Variants in THSD7A observed in about 807,000 individuals in gnomAD.
THSD7A encodes the protein thrombospondin type 1 domain containing 7A, also known as thrombospondin type-1 domain-containing protein 7A.
In THSD7A, 96 loss-of-function variants were observed where a neutral mutation model predicts 231.3. The observed-to-expected ratio is 0.41, with a 90% confidence interval of 0.35 to 0.49. The LOEUF is 0.49. Among genes scored for constraint, THSD7A ranks in the 20% least tolerant of loss-of-function variants. The probability of loss-of-function intolerance (pLI) is 0.05; values close to 1 mark genes in which losing one functional copy is unlikely to be tolerated. For missense variants in THSD7A, 2,290 were observed against 2,070.2 expected, an observed-to-expected ratio of 1.11 and a Z score of -2.06; for synonymous variants, 940 against 743.3, an observed-to-expected ratio of 1.26 and a Z score of -4.30.
intron 1 of THSD7A, among the ~76,000 whole-genome samples, chr7:11,710,742 C>T (rs554601890): frequency 7.3e-5 from 11 of 150,910 alleles, no homozygotes; most frequent in African/African-American, 2.7e-4. Context: ...GAATTTTTAA[C>T]ATTCTGTTTG....
intron 2 of THSD7A, among the ~76,000 whole-genome samples, chr7:11,633,296 C>T (rs1781720499): frequency 6.6e-6 from 1 of 152,174 alleles, no homozygotes; most frequent in Admixed American, 6.5e-5. Flanking sequence ...AGGGAAGCTT[C>T]CTGTGTCCTA....
At chr7:11,557,526 T>C (rs959625675) in intron 4 of THSD7A, among the ~76,000 whole-genome samples, 2 of 152,096 alleles carry the variant, frequency 1.3e-5, no homozygotes, top group Non-Finnish European at 2.9e-5. Context: ...TGACTTTGAT[T>C]GAAACCCAGA....
rs1476002037 is a variant in THSD7A at position 11,474,757 on chromosome 7, T to G, written c.2018-189A>C. 1.3e-5 allele frequency among the ~76,000 whole-genome samples: 2 copies of G among 152,162 alleles called. No individual in the cohort carries two copies. The highest frequency in any genetic ancestry group is 2.9e-5 in the Non-Finnish European group (2 of 68,020). ...ACCTACAGGGGTTAAAAATAGTTTCTGCTACACTCAAGGATCTCATAATGT... is the reference window on the plus strand; with the variant it reads ...ACCTACAGGGGTTAAAAATAGTTTCGGCTACACTCAAGGATCTCATAATGT... On this transcript the variant is annotated intron_variant, in intron 7 of 27. Coordinates refer to ENST00000423059, the MANE Select transcript of THSD7A (RefSeq NM_015204.3). This position sits in a 1 kb window ranked among gnomAD's most constrained non-coding sequence, Gnocchi z 4.1.
At chr7:11,815,963 T>C (rs1308216332) in intron 1 of THSD7A, among the ~76,000 whole-genome samples, 1 of 152,136 alleles carries the variant, frequency 6.6e-6, no homozygotes, top group African/African-American at 2.4e-5. Context: ...GTTCCTTCTC[T>C]GCCTGGAATT....
At chr7:11,499,734 G>C (rs533895421) in intron 6 of THSD7A, among the ~76,000 whole-genome samples, 1 of 152,250 alleles carries the variant, frequency 6.6e-6, no homozygotes, top group East Asian at 1.9e-4. Flanking sequence ...TTGAAGACTG[G>C]TTCTGTGAAA....
intron 13 of THSD7A, among the ~76,000 whole-genome samples, chr7:11,442,204 G>A (rs1488250163): frequency 6.6e-6 from 1 of 151,872 alleles, no homozygotes; most frequent in South Asian, 2.1e-4. Flanking sequence ...ATCTGATTTT[G>A]GCAATGCAGT....
chr7:11,755,037 A>G (rs1782628287), intron 1 of THSD7A, among the ~76,000 whole-genome samples: 2 of 152,088 alleles, frequency 1.3e-5, no homozygotes, highest in South Asian at 4.1e-4. Flanking sequence ...CACAAATTAT[A>G]TACATGATCA....
At chr7:11,626,623 A>G (rs568348715) in intron 2 of THSD7A, among the ~76,000 whole-genome samples, 2 of 152,254 alleles carry the variant, frequency 1.3e-5, no homozygotes, top group Admixed American at 1.3e-4. Flanking sequence ...ACTGACACCA[A>G]CTAATTGATA....
chr7:11,383,138 C>G (rs1326914481), intron 23 of THSD7A, among the ~76,000 whole-genome samples: 1 of 151,852 alleles, frequency 6.6e-6, no homozygotes, highest in Non-Finnish European at 1.5e-5. Flanking sequence ...TCACTATACA[C>G]ACACGCACAC....
At chr7:11,497,070 C>T (rs932209992) in intron 6 of THSD7A, among the ~76,000 whole-genome samples, 5 of 152,104 alleles carry the variant, frequency 3.3e-5, no homozygotes, top group African/African-American at 1.2e-4. Flanking sequence ...CTGGGGAGGC[C>T]TAAGGAAACT....
chr7:11,797,764 C>T (rs1784168945), intron 1 of THSD7A, among the ~76,000 whole-genome samples: 1 of 152,072 alleles, frequency 6.6e-6, no homozygotes, highest in South Asian at 2.1e-4. Flanking sequence ...ATTTCATACT[C>T]ATTAGCATGC....
intron 2 of THSD7A, among the ~76,000 whole-genome samples, chr7:11,615,552 T>C (rs1011545895): frequency 6.6e-6 from 1 of 152,182 alleles, no homozygotes; most frequent in Non-Finnish European, 1.5e-5. Context: ...TATACTAGTT[T>C]TCTAATGAAT....
intron 1 of THSD7A, among the ~76,000 whole-genome samples, chr7:11,774,194 A>G (rs1341636206): frequency 6.6e-6 from 1 of 152,208 alleles, no homozygotes; most frequent in African/African-American, 2.4e-5. Flanking sequence ...AACAACATAG[A>G]TGAACCTGGA....
chr7:11,772,123 T>G (rs1783249323), intron 1 of THSD7A, among the ~76,000 whole-genome samples: 1 of 152,048 alleles, frequency 6.6e-6, no homozygotes, highest in Non-Finnish European at 1.5e-5. Context: ...AGACTAATAC[T>G]CTAATCGTTA....
intron 6 of THSD7A, among the ~76,000 whole-genome samples, chr7:11,516,139 T>C (rs1311323885): frequency 6.6e-6 from 1 of 152,192 alleles, no homozygotes; most frequent in Non-Finnish European, 1.5e-5. Flanking sequence ...CTGGCTGTAA[T>C]AAATAAAACC....
At chr7:11,426,372 A>T (rs893840351) in intron 15 of THSD7A, among the ~76,000 whole-genome samples, 7 of 152,152 alleles carry the variant, frequency 4.6e-5, no homozygotes, top group Non-Finnish European at 1.0e-4. Context: ...CAAGACCATT[A>T]ATAATGGGTG....
intron 1 of THSD7A, among the ~76,000 whole-genome samples, chr7:11,643,789 A>T (rs1037352433): frequency 6.6e-6 from 1 of 152,020 alleles, no homozygotes; most frequent in Non-Finnish European, 1.5e-5. Context: ...TTCCAATATT[A>T]TAAAGAATGC....
Position 11,453,315 on chromosome 7 carries a change from T to G in THSD7A, c.2606-5891A>C, listed in dbSNP as rs1785201578. Among the ~76,000 whole-genome samples, 5 of 82,834 alleles carry G rather than the reference T, an allele frequency of 6.0e-5. No individual in the cohort carries two copies. The South Asian group carries it at 3.1e-3, about 51-fold the overall frequency. 54.3% of individuals were successfully genotyped at this position (82,834 alleles called of 152,430 possible). On this transcript the variant is annotated intron_variant, in intron 11 of 27. Transcript: ENST00000423059. ...AAGTTTAATAGGGGAGAATTAGAAT[T>G]TTTCTTTTACCTTTTTTTTTTTTTA... is the stretch of plus-strand genomic sequence containing the variant.
chr7:11,750,858 T>C (rs1348846642), intron 1 of THSD7A, among the ~76,000 whole-genome samples: 1 of 151,950 alleles, frequency 6.6e-6, no homozygotes, highest in African/African-American at 2.4e-5. Flanking sequence ...TTGTGAGTAA[T>C]TGTGGAAAAA....
Sources: gnomAD v4.1 joint callset for allele counts (sites outside exome capture counted in the v4.1 genomes callset) on GRCh38, gnomAD v4.1.1 for gene constraint, Gnocchi (gnomAD v3.1) non-coding constraint, MANE v1.5 for transcripts, NCBI Gene and HGNC (gene_info 2026-07-23, HGNC 2026-07-21) for gene names.